The following CSGALNACT1 variants were observed in gnomAD, a reference collection of about 807,000 sequenced individuals.
The protein encoded by CSGALNACT1 is chondroitin sulfate N-acetylgalactosaminyltransferase 1, also known as beta4GalNAcT-1.
In CSGALNACT1, 52 loss-of-function variants were observed where a neutral mutation model predicts 51.0. The observed-to-expected ratio is 1.02, with a 90% confidence interval of 0.82 to 1.29. The LOEUF (loss-of-function observed/expected upper bound fraction) is 1.29. Ranked by LOEUF, CSGALNACT1 falls within the 50% of genes most tolerant of loss-of-function variation. The pLI is 0.00. For missense variants in CSGALNACT1, 935 were observed against 679.2 expected (o/e 1.38, Z -4.19); for synonymous variants, 341 against 254.4 (o/e 1.34, Z -3.24).
intron 1 of CSGALNACT1, among the ~76,000 whole-genome samples, chr8:19,715,679 A>T (rs2062764769): frequency 6.6e-6 from 1 of 152,132 alleles, no homozygotes; most frequent in Non-Finnish European, 1.5e-5. Flanking sequence ...AGTGTGGGAG[A>T]ATAAAGATGG....
intron 1 of CSGALNACT1, among the ~76,000 whole-genome samples, chr8:19,609,975 G>C (rs2051976807): frequency 6.6e-6 from 1 of 151,928 alleles, no homozygotes; most frequent in Non-Finnish European, 1.5e-5. Flanking sequence ...AATCCCAGCA[G>C]TTTGGGAGGC....
intron 3 of CSGALNACT1, among the ~76,000 whole-genome samples, chr8:19,538,921 C>T (rs939670908): frequency 1.3e-5 from 2 of 152,160 alleles, no homozygotes; most frequent in Admixed American, 1.3e-4. Flanking sequence ...ACCGCTCATC[C>T]TGAGATGTTG....
intron 3 of CSGALNACT1, among the ~76,000 whole-genome samples, chr8:19,511,877 C>T (rs2078532189): frequency 6.6e-6 from 1 of 152,180 alleles, no homozygotes; most frequent in African/African-American, 2.4e-5. Context: ...CTTCACATGG[C>T]AGCAGAAGAG....
intron 2 of CSGALNACT1, among the ~76,000 whole-genome samples, chr8:19,600,946 TC>T (rs1231891358): frequency 3.3e-5 from 5 of 152,156 alleles, no homozygotes; most frequent in Admixed American, 6.5e-5. Flanking sequence ...TTACCTATTT[TC>T]ATTTTTATGC....
intron 1 of CSGALNACT1, among the ~76,000 whole-genome samples, chr8:19,664,444 A>G (rs1374796720): frequency 2.0e-5 from 3 of 152,204 alleles, no homozygotes; most frequent in Admixed American, 6.5e-5. Context: ...TCAAAGAACT[A>G]AAAATACAAC....
At chr8:19,474,869 G>GGAA (rs778282993) in intron 4 of CSGALNACT1, among the ~76,000 whole-genome samples, 5 of 86,172 alleles carry the variant, frequency 5.8e-5, no homozygotes, top group African/African-American at 9.4e-5. Flanking sequence ...CTCTGTCTCA[G>GGAA]AAAAAAAAAA....
chr8:19,597,826 T>A (rs1345074846), intron 2 of CSGALNACT1, among the ~76,000 whole-genome samples: 1 of 152,230 alleles, frequency 6.6e-6, no homozygotes, highest in African/African-American at 2.4e-5. Context: ...AGTAGGAACA[T>A]ACATATGCTA....
chr8:19,659,445 C>G (rs2058577188), intron 1 of CSGALNACT1, among the ~76,000 whole-genome samples: 1 of 152,186 alleles, frequency 6.6e-6, no homozygotes, highest in African/African-American at 2.4e-5. Context: ...AAACTCTTCT[C>G]CAAAGGCTTT....
rs116460002 is a variant in CSGALNACT1, at chr8:19,566,599, G to T, written c.-297+24561C>A. On this transcript the variant is annotated intron_variant, in intron 3 of 9. Transcript: ENST00000454498. ...AGATGTTTCCGTTTCTAAGAAAATA[G>T]GTTTTTGCATTTTAAATAAGTATAA... is the stretch of plus-strand genomic sequence containing the variant. Among the ~76,000 whole-genome samples, 755 of 152,166 alleles carry T rather than the reference G, an allele frequency of 5.0e-3. 8 individuals carry two copies. Among genetic ancestry groups the T allele is most frequent in the African/African-American group, 0.017 (706 of 41,514 alleles).
At chr8:19,632,761 C>G (rs1435839211) in intron 1 of CSGALNACT1, among the ~76,000 whole-genome samples, 1 of 151,860 alleles carries the variant, frequency 6.6e-6, no homozygotes, top group Non-Finnish European at 1.5e-5. Context: ...TCTGCTGAGT[C>G]TTTTACTTTT....
At chr8:19,728,613 G>A (rs998381127) in intron 1 of CSGALNACT1, among the ~76,000 whole-genome samples, 1 of 152,006 alleles carries the variant, frequency 6.6e-6, no homozygotes, top group African/African-American at 2.4e-5. Flanking sequence ...TGATTTCCAG[G>A]CCACATGTTC....
At chr8:19,725,890 A>G (rs1426682682) in intron 1 of CSGALNACT1, among the ~76,000 whole-genome samples, 4 of 152,062 alleles carry the variant, frequency 2.6e-5, no homozygotes, top group Admixed American at 2.6e-4. Context: ...TTGAACTTAC[A>G]TGGACACATC....
chr8:19,657,932 C>T (rs1007390269), intron 1 of CSGALNACT1, among the ~76,000 whole-genome samples: 1 of 152,086 alleles, frequency 6.6e-6, no homozygotes, highest in Non-Finnish European at 1.5e-5. Flanking sequence ...AAGACTCAGG[C>T]ATCAGCTTGG....
chr8:19,408,589 A>C (rs1223886857), intron 9 of CSGALNACT1, 24 bp downstream of exon 8: 1 of 1,593,278 alleles, frequency 6.3e-7, no homozygotes, highest in African/African-American at 1.4e-5. Context: ...TCTGGGTGGC[A>C]GTAGAGATGC....
intron 3 of CSGALNACT1, among the ~76,000 whole-genome samples, chr8:19,556,699 T>TC (rs2039526785): frequency 6.6e-6 from 1 of 152,106 alleles, no homozygotes; most frequent in South Asian, 2.1e-4. Flanking sequence ...CTTTTTTTTT[T>TC]CTCTCCTAGG....
rs145070651 is a variant in CSGALNACT1 at position 19,471,171 on chromosome 8, A to G, written c.635-12529T>C. Among the ~76,000 whole-genome samples, 1,558 of 152,196 alleles carry G rather than the reference A, an allele frequency of 0.01. 55 individuals are homozygous for G. The South Asian group carries it at 0.13, about 12-fold the overall frequency. ...AAAAGGTGAAGTATGATCTTGGGGC[A>G]CACTCCACCGGAAAAGGGAAGAAAG... On this transcript the variant is annotated intron_variant, in intron 4 of 9. Coordinates refer to ENST00000454498, the Ensembl canonical transcript of CSGALNACT1.
intron 4 of CSGALNACT1, among the ~76,000 whole-genome samples, chr8:19,487,290 T>G (rs2073182080): frequency 6.6e-6 from 1 of 152,170 alleles, no homozygotes. Context: ...TGAGAACATT[T>G]CACCTCCCAA....
intron 3 of CSGALNACT1, among the ~76,000 whole-genome samples, chr8:19,558,436 C>A (rs752824830): frequency 7.9e-5 from 12 of 152,114 alleles, no homozygotes; most frequent in Non-Finnish European, 1.3e-4. Flanking sequence ...ATTTAAGGGT[C>A]CCTATAGTTG....
intron 4 of CSGALNACT1, 65 bp from the exon 4 acceptor site, chr8:19,458,707 A>T: frequency 6.9e-7 from 1 of 1,442,996 alleles, no homozygotes; most frequent in Non-Finnish European, 9.8e-7. Flanking sequence ...GTGTTTTTCA[A>T]CCGAGATCTA....
Sources: allele counts gnomAD v4.1 joint callset (sites outside exome capture counted in the v4.1 genomes callset), GRCh38; gene constraint gnomAD v4.1.1; transcripts MANE v1.5; gene names NCBI Gene and HGNC (gene_info 2026-07-23, HGNC 2026-07-21).